The following ANKEF1 variants were observed in gnomAD, a reference collection of about 807,000 sequenced individuals.
ANKEF1 encodes ankyrin repeat and EF-hand domain containing 1, also known as ankyrin repeat and EF-hand domain-containing protein 1.
In ANKEF1, 43 loss-of-function variants were observed where a neutral mutation model predicts 65.1. The observed-to-expected ratio is 0.66, with a 90% CI of 0.52 to 0.85. The LOEUF is 0.85. Ranked by LOEUF, ANKEF1 falls within the 40% of genes least tolerant of loss-of-function variation. The pLI is 0.00. For missense variants in ANKEF1, 934 were observed against 952.9 expected (o/e 0.98, Z 0.26); for synonymous variants, 316 against 341.5 (o/e 0.93, Z 0.82).
chr20:10,052,444 T>C (rs1200807763), intron 8 of ANKEF1, among the ~76,000 whole-genome samples: 1 of 152,182 alleles, frequency 6.6e-6, no homozygotes, highest in African/African-American at 2.4e-5. Context: ...CTCTAGGAAG[T>C]AAACACACAA....
chr20:10,055,859 C>CCCCTGGATAA lies in ANKEF1; in HGVS notation c.*199_*200insCCCTGGATAA. 1 of 569,116 alleles carries CCCCTGGATAA rather than the reference C, an allele frequency of 1.8e-6. No homozygotes were observed. Among genetic ancestry groups the CCCCTGGATAA allele is most frequent in the Middle Eastern group, 4.6e-4 (1 of 2,170 alleles). The allele number at this position is 569,116 out of a possible 1,614,324, so 35.3% of individuals were successfully genotyped here. ...TGTTATTTTGAAATGAATGGTATGT[C>CCCCTGGATAA]ATTCTGGATAAATCCCCAAGCCCCT... On this transcript the variant is annotated 3_prime_UTR_variant, in exon 11 of 11. Transcript: ENST00000378392.
chr20:10,055,522 A>G lies in ANKEF1; in HGVS notation c.2193A>G (p.Thr731=). 7.4e-6 allele frequency: 12 copies of G among 1,613,698 alleles called. No homozygotes were observed. Among genetic ancestry groups the G allele is most frequent in the Non-Finnish European group, 1.0e-5 (12 of 1,179,756 alleles). Residue 731 remains threonine, a synonymous_variant, in exon 11 of 11, where the codon ACA becomes ACG. Coordinates refer to ENST00000378392, the MANE Select transcript of ANKEF1 (RefSeq NM_022096.6). ...TTAAGATTTGGAGTCCTGAAGCCAC[A>G]ACAGCAGAGCTGATCAGGAAGAGGG... ...IPRRIWSPEA[T]TAELIRKREL...
In ANKEF1 at chr20:10,053,194, G is replaced by A. The variant is rs375251877; in HGVS notation, c.1953G>A (p.Pro651=). 125 of 1,613,330 alleles carry A rather than the reference G, an allele frequency of 7.7e-5. No individual in the cohort carries two copies. Among genetic ancestry groups the A allele is most frequent in the East Asian group, 4.0e-4 (18 of 44,836 alleles). Residue 651 remains proline (P), a synonymous_variant, in exon 9 of 11, where the codon CCG becomes CCA. Coordinates refer to ENST00000378392, the MANE Select transcript of ANKEF1 (RefSeq NM_022096.6). ...DLIKEKLDNL[P]KPAENQKLKG... Reference sequence around the variant, plus strand: ...TTAAAGAAAAGCTAGATAACTTGCCGAAACCAGCAGAAAATCAAAAACTAA... The same window carrying A: ...TTAAAGAAAAGCTAGATAACTTGCCAAAACCAGCAGAAAATCAAAAACTAA...
intron 2 of ANKEF1, among the ~76,000 whole-genome samples, chr20:10,037,197 C>T (rs963007095): frequency 3.3e-5 from 5 of 152,064 alleles, no homozygotes; most frequent in East Asian, 1.9e-4. Flanking sequence ...AATAAGGTGA[C>T]GGGGGAGAAG....
chr20:10,055,081 A>C (rs1466376828), intron 10 of ANKEF1, among the ~76,000 whole-genome samples: 2 of 152,182 alleles, frequency 1.3e-5, no homozygotes, highest in Admixed American at 6.5e-5. Flanking sequence ...CCATCCAACC[A>C]GGCTGAACAA....
chr20:10,041,506 A>T (rs1984191219), intron 3 of ANKEF1, among the ~76,000 whole-genome samples: 1 of 152,094 alleles, frequency 6.6e-6, no homozygotes, highest in Non-Finnish European at 1.5e-5. Flanking sequence ...ATACTCAATT[A>T]TAATTACTTA....
chr20:10,038,535 C>A lies in ANKEF1; in HGVS notation c.234C>A (p.Asp78Glu). ...LDLGAHPDVQ[D>E]RMGCTPTMRA... The stretch of plus-strand genomic sequence containing the variant: ...TTGGTGCTCACCCTGATGTGCAAGA[C>A]CGAATGGGCTGTACTCCCACAATGA... Residue 78 changes from aspartate to glutamate, a missense_variant, in exon 3 of 11, where the codon GAC becomes GAA. By Grantham distance (45) the Asp-to-Glu change is conservative. Coordinates refer to ENST00000378392, the MANE Select transcript of ANKEF1 (RefSeq NM_022096.6). 3 of 1,614,200 alleles carry A rather than the reference C, an allele frequency of 1.9e-6. No individual in the cohort carries two copies. Among genetic ancestry groups the A allele is most frequent in the Non-Finnish European group, 2.5e-6 (3 of 1,180,032 alleles).
chr20:10,056,421 G>A lies in ANKEF1; in HGVS notation c.*761G>A, dbSNP rs1432616268. The A allele has an allele frequency of 1.5e-4, 23 of 151,312 alleles. No homozygotes were observed. Among genetic ancestry groups the A allele is most frequent in the Non-Finnish European group, 1.2e-4 (8 of 67,858 alleles). 9.4% of individuals were successfully genotyped at this position (151,312 alleles called of 1,614,324 possible). A position where few individuals can be genotyped will look rare whatever the true frequency, so the allele number is the denominator to read the frequency against. ...ACTTTTGCTCCAACCTGACAGCTAG[G>A]TATCTAGCTAGCTAGAAAGGCAGAT... is the stretch of plus-strand genomic sequence containing the variant. On this transcript the variant is annotated 3_prime_UTR_variant, in exon 11 of 11. Coordinates refer to ENST00000378392, the MANE Select transcript of ANKEF1 (RefSeq NM_022096.6).
At chr20:10,044,365 C>T in intron 4 of ANKEF1, 29 bp from the exon 5 acceptor site, 1 of 1,611,846 alleles carries the variant, frequency 6.2e-7, no homozygotes, top group Admixed American at 1.7e-5. Flanking sequence ...GTATAAACAG[C>T]ATCTCATATT....
rs554823704 is a variant in ANKEF1 at position 10,040,232 on chromosome 20, C to T, written c.346+1585C>T. ...TTGTACAGAGTACATTGTCTCTTCC[C>T]ACATCAACAAGGCTCACTCAGCTTG... On this transcript the variant is annotated intron_variant, in intron 3 of 10. Transcript: ENST00000378392. Among the ~76,000 whole-genome samples the T allele has an allele frequency of 4.6e-5, 7 of 152,348 alleles. No homozygotes were observed. In the South Asian group the frequency reaches 1.4e-3, roughly 32 times the overall value.
chr20:10,053,359 T>G lies in ANKEF1; in HGVS notation c.2034+84T>G, dbSNP rs956047631. ...GGAAGGCAGAAGCACTATTTACATA[T>G]TGTTATACAACATGGGTAAGATAAT... On this transcript the variant is annotated intron_variant, in intron 9 of 10. Transcript: ENST00000378392. The G allele has an allele frequency of 2.4e-5, 30 of 1,239,240 alleles. No homozygotes were observed. In the African/African-American group the frequency reaches 4.4e-4, roughly 18 times the overall value. The allele number at this position is 1,239,240 out of a possible 1,614,324, so 76.8% of individuals were successfully genotyped here. A position where few individuals can be genotyped will look rare whatever the true frequency, so the allele number is the denominator to read the frequency against.
chr20:10,037,673 A>G (rs1289547464), intron 2 of ANKEF1, among the ~76,000 whole-genome samples: 1 of 152,218 alleles, frequency 6.6e-6, no homozygotes. Context: ...ACAAGGAGGT[A>G]AAATTACATA....
chr20:10,043,214 T>C lies in ANKEF1; in HGVS notation c.439T>C (p.Tyr147His), dbSNP rs370726207. Reference sequence around the variant, plus strand: ...TGGTGCAGATGTCAACAATTCTACCTATGAAGGAAAGCCAATATTCCTTAG... The same window carrying C: ...TGGTGCAGATGTCAACAATTCTACCCATGAAGGAAAGCCAATATTCCTTAG... ...EHGADVNNST[Y>H]EGKPIFLRAC... is the part of the protein sequence containing the mutation. Residue 147 changes from tyrosine (Y) to histidine (H), a missense_variant, in exon 4 of 11, where the codon TAT becomes CAT. Coordinates refer to ENST00000378392, the MANE Select transcript of ANKEF1 (RefSeq NM_022096.6). 1.5e-5 allele frequency: 25 copies of C among 1,614,078 alleles called. No individual in the cohort carries two copies. Among genetic ancestry groups the C allele is most frequent in the Non-Finnish European group, 2.0e-5 (24 of 1,180,040 alleles).
chr20:10,049,615 G>C lies in ANKEF1; in HGVS notation c.1046G>C (p.Arg349Thr). The C allele has an allele frequency of 1.2e-6, 2 of 1,614,124 alleles. No homozygotes were observed. The highest frequency in any genetic ancestry group is 1.7e-6 in the Non-Finnish European group (2 of 1,180,004). ...CGGGAAGCCTTTGCGGTTTTAGACA[G>C]GGGTGATGGAAGCATCAGCAAGAAC... is the stretch of plus-strand genomic sequence containing the variant. Reference protein sequence around the residue: ...FLREAFAVLDRGDGSISKNDF... With the variant: ...FLREAFAVLDTGDGSISKNDF... Residue 349 changes from arginine to threonine, a missense_variant, in exon 7 of 11, where the codon AGG becomes ACG. Transcript: ENST00000378392.
chr20:10,056,878 C>T lies in ANKEF1; in HGVS notation c.*1218C>T, dbSNP rs556575031. 1.1e-4 allele frequency: 16 copies of T among 152,254 alleles called. No homozygotes were observed. Among genetic ancestry groups the T allele is most frequent in the Non-Finnish European group, 2.1e-4 (14 of 68,026 alleles). The allele number at this position is 152,254 out of a possible 1,614,324, so 9.4% of individuals were successfully genotyped here. On this transcript the variant is annotated 3_prime_UTR_variant, in exon 11 of 11. Transcript: ENST00000378392. Reference sequence around the variant, plus strand: ...GTCAATGAATTGTAAATATTGGTTGCATGTACACAATTCCTTCACCACAAC... The same window carrying T: ...GTCAATGAATTGTAAATATTGGTTGTATGTACACAATTCCTTCACCACAAC...
intron 9 of ANKEF1, among the ~76,000 whole-genome samples, 192 bp from the exon 10 acceptor site, chr20:10,054,270 A>G (rs190889084): frequency 6.6e-6 from 1 of 152,312 alleles, no homozygotes; most frequent in Non-Finnish European, 1.5e-5. Context: ...TTCTAATTAA[A>G]GTTAAACAAG....
intron 6 of ANKEF1, among the ~76,000 whole-genome samples, chr20:10,046,037 G>A (rs767481036): frequency 5.9e-5 from 9 of 152,064 alleles, no homozygotes; most frequent in Non-Finnish European, 8.8e-5. Context: ...TTGGGAGGCT[G>A]AAGCAGGTGG....
At chr20:10,040,481 A>G (rs1984118453) in intron 3 of ANKEF1, 1 of 152,218 alleles carries the variant, frequency 6.6e-6, no homozygotes, top group African/African-American at 2.4e-5. Flanking sequence ...GAATATGGAG[A>G]AGGTAAAGCT....
intron 10 of ANKEF1, 129 bp downstream of exon 10, chr20:10,054,728 T>G: frequency 1.0e-6 from 1 of 975,148 alleles, no homozygotes; most frequent in Non-Finnish European, 1.5e-6. Flanking sequence ...TTGTGAATGT[T>G]CTTTTGCCAG....
Sources: allele counts gnomAD v4.1 joint callset (sites outside exome capture counted in the v4.1 genomes callset), GRCh38; gene constraint gnomAD v4.1.1; transcripts MANE v1.5; gene names NCBI Gene and HGNC (gene_info 2026-07-23, HGNC 2026-07-21).